METTL25: variants seen among roughly 807,000 people sequenced by gnomAD.
METTL25 encodes the protein probable methyltransferase-like protein 25.
METTL25 carries 64 observed loss-of-function variants against 71.6 expected under a neutral mutation model. The ratio of observed to expected loss-of-function variants is 0.89; its 90% CI spans 0.73 to 1.10. The LOEUF (loss-of-function observed/expected upper bound fraction) is 1.10. Among genes scored for constraint, METTL25 ranks in the 50% least tolerant of loss-of-function variants. The pLI, the probability that METTL25 is intolerant of heterozygous loss-of-function variation, is 0.00. For synonymous variants in METTL25, 287 were observed against 250.3 expected, an observed-to-expected ratio of 1.15 and a Z score of -1.38; for missense variants, 807 against 707.0, an observed-to-expected ratio of 1.14 and a Z score of -1.60.
At chr12:82,382,838 A>G (rs1331761130) in intron 1 of METTL25, among the ~76,000 whole-genome samples, 1 of 151,946 alleles carries the variant, frequency 6.6e-6, no homozygotes, top group African/African-American at 2.4e-5. Flanking sequence ...CTCCTCAAGT[A>G]GCTGGGACTA....
chr12:82,422,868 T>C (rs1238549746), intron 5 of METTL25, among the ~76,000 whole-genome samples: 1 of 152,138 alleles, frequency 6.6e-6, no homozygotes, highest in African/African-American at 2.4e-5. Flanking sequence ...CTAGGAGAAC[T>C]ACAAACCACT....
chr12:82,455,455 TAAC>T (rs1402426370), intron 8 of METTL25, among the ~76,000 whole-genome samples: 4 of 151,898 alleles, frequency 2.6e-5, no homozygotes, highest in African/African-American at 9.6e-5. Flanking sequence ...CAGTGATAAA[TAAC>T]AAACGAATGG....
chr12:82,448,917 GA>G (rs1890938990), intron 8 of METTL25, among the ~76,000 whole-genome samples: 1 of 152,126 alleles, frequency 6.6e-6, no homozygotes, highest in African/African-American at 2.4e-5. Flanking sequence ...TGATTATGGA[GA>G]AACTGAATTT....
intron 1 of METTL25, among the ~76,000 whole-genome samples, chr12:82,359,997 A>G (rs867722904): frequency 6.6e-6 from 1 of 152,204 alleles, no homozygotes; most frequent in African/African-American, 2.4e-5. Flanking sequence ...TGATATGACA[A>G]TTTTACTTAA....
At chr12:82,395,937 A>G (rs1886035409) in intron 3 of METTL25, among the ~76,000 whole-genome samples, 1 of 152,104 alleles carries the variant, frequency 6.6e-6, no homozygotes, top group South Asian at 2.1e-4. Flanking sequence ...CTGCAGTTAG[A>G]CTGTAGTTTC....
At position 82,478,911 on chromosome 12, in the gene METTL25, A is replaced by G. The variant is rs765243615; in HGVS notation, c.1720-21A>G. The G allele has an allele frequency of 1.4e-5, 23 of 1,593,494 alleles. No individual in the cohort carries two copies. In the Admixed American group the frequency reaches 3.5e-4, roughly 24 times the overall value. ...TTCTTCAACAAATGGTTGTATATCTAAATCACTTATTAATTTACAGGAAGA... is the reference window on the plus strand; with the variant it reads ...TTCTTCAACAAATGGTTGTATATCTGAATCACTTATTAATTTACAGGAAGA... On this transcript the variant is annotated intron_variant, in intron 11 of 11. Coordinates refer to ENST00000248306, the MANE Select transcript of METTL25 (RefSeq NM_032230.3).
chr12:82,359,238 TGTG>T (rs1050216937), intron 1 of METTL25, among the ~76,000 whole-genome samples: 2 of 152,030 alleles, frequency 1.3e-5, no homozygotes, highest in Admixed American at 1.3e-4. Context: ...AACAGTGTAA[TGTG>T]GTAGGGATTG....
intron 9 of METTL25, among the ~76,000 whole-genome samples, chr12:82,463,157 C>A (rs1170906039): frequency 6.6e-6 from 1 of 151,946 alleles, no homozygotes; most frequent in African/African-American, 2.4e-5. Context: ...ATGCTATAGA[C>A]CACTAGAACT....
chr12:82,395,683 G>A (rs1436272535), intron 3 of METTL25, among the ~76,000 whole-genome samples: 1 of 151,956 alleles, frequency 6.6e-6, no homozygotes, highest in East Asian at 1.9e-4. Context: ...GTTTCTGTGG[G>A]AAAGTCTCCT....
At chr12:82,368,649 T>C (rs1042309617) in intron 1 of METTL25, among the ~76,000 whole-genome samples, 2 of 152,202 alleles carry the variant, frequency 1.3e-5, no homozygotes, top group African/African-American at 4.8e-5. Context: ...AAAATAGTTA[T>C]AAGTCAATTG....
intron 9 of METTL25, chr12:82,468,604 G>A (rs1055304602): frequency 2.0e-5 from 3 of 152,244 alleles, no homozygotes; most frequent in African/African-American, 7.2e-5. Context: ...TGCTGGGGCT[G>A]AAGGATGTGC....
chr12:82,364,218 A>C (rs1056699532), intron 1 of METTL25, among the ~76,000 whole-genome samples: 1 of 152,190 alleles, frequency 6.6e-6, no homozygotes, highest in Admixed American at 6.5e-5. Context: ...TAGTTGCTGA[A>C]GGCTTGATTG....
At chr12:82,474,002 G>T (rs1233019053) in intron 9 of METTL25, among the ~76,000 whole-genome samples, 3 of 152,166 alleles carry the variant, frequency 2.0e-5, no homozygotes, top group Admixed American at 6.5e-5. Flanking sequence ...TCTTAAGATG[G>T]CTCTGTGCTG....
intron 1 of METTL25, among the ~76,000 whole-genome samples, chr12:82,380,076 A>G (rs1884277586): frequency 6.6e-6 from 1 of 152,182 alleles, no homozygotes; most frequent in South Asian, 2.1e-4. Context: ...CAGTAACTTA[A>G]TTTGGACTTA....
intron 5 of METTL25, among the ~76,000 whole-genome samples, chr12:82,418,542 C>T (rs1196576505): frequency 1.3e-5 from 2 of 152,092 alleles, no homozygotes. Flanking sequence ...CAGTAAGTTG[C>T]ATATTGCAGT....
rs547492408 is a variant in METTL25 at position 82,464,320 on chromosome 12, C to T, written c.1572+7500C>T. On this transcript the variant is annotated intron_variant, in intron 9 of 11. Transcript: ENST00000248306. ...AGAGGTGAGGTGTCTAGTTTAATTC[C>T]TCAGCATATGGATATTCAGTTTTCC... is the stretch of plus-strand genomic sequence containing the variant. Among the ~76,000 whole-genome samples the T allele has an allele frequency of 2.1e-3, 321 of 151,682 alleles. 1 individual carries two copies. The highest frequency in any genetic ancestry group is 7.1e-3 in the African/African-American group (295 of 41,476).
At chr12:82,381,604 G>A (rs745985659) in intron 1 of METTL25, among the ~76,000 whole-genome samples, 3 of 152,024 alleles carry the variant, frequency 2.0e-5, no homozygotes, top group Non-Finnish European at 2.9e-5. Context: ...TCTTCCCTTG[G>A]TACAGTATAG....
intron 1 of METTL25, among the ~76,000 whole-genome samples, chr12:82,382,681 A>G (rs1169525821): frequency 6.6e-6 from 1 of 152,200 alleles, no homozygotes; most frequent in Non-Finnish European, 1.5e-5. Context: ...TTTCAGAGAC[A>G]TTAATTATTT....
intron 3 of METTL25, among the ~76,000 whole-genome samples, chr12:82,390,283 A>G (rs1209135610): frequency 6.6e-6 from 1 of 152,100 alleles, no homozygotes; most frequent in Non-Finnish European, 1.5e-5. Flanking sequence ...AGATGTTTTC[A>G]GGATATGGGT....
Sources: allele counts gnomAD v4.1 joint callset (sites outside exome capture counted in the v4.1 genomes callset), GRCh38; gene constraint gnomAD v4.1.1; transcripts MANE v1.5; gene names NCBI Gene and HGNC (gene_info 2026-07-23, HGNC 2026-07-21).